The following ASB6 variants were observed in gnomAD, a reference collection of about 807,000 sequenced individuals.
ASB6 encodes ankyrin repeat and SOCS box protein 6.
ASB6 carries 24 observed loss-of-function variants against 28.6 expected under a neutral mutation model. The ratio of observed to expected loss-of-function variants is 0.84; its 90% CI spans 0.61 to 1.18. The LOEUF is 1.18. Among genes scored for constraint, ASB6 ranks in the 50% most tolerant of loss-of-function variants. The pLI, the probability that ASB6 is intolerant of heterozygous loss-of-function variation, is 0.00. For missense variants in ASB6, 519 were observed against 559.8 expected (o/e 0.93, Z 0.74); for synonymous variants, 267 against 243.4 (o/e 1.10, Z -0.90).
rs2119012365 is a variant in ASB6, at chr9:129,639,296, G to A, written c.417C>T (p.Ser139=). The change falls in exon 4 of 6, where the codon AGC becomes AGT. Residue 139 remains serine (S), a synonymous_variant. Coordinates refer to ENST00000277458, the MANE Select transcript of ASB6 (RefSeq NM_017873.4). The part of the protein sequence containing the change: ...VNRRDRIHES[S]PLDLASEEPE... ...GCTCCTCGCTGGCCAGGTCCAAGGG[G>A]CTACTCTCGTGGATCTGAGCCAAGG... is the stretch of plus-strand genomic sequence containing the variant. 2 of 1,612,256 alleles carry A rather than the reference G, an allele frequency of 1.2e-6. No individual in the cohort carries two copies. Among genetic ancestry groups the A allele is most frequent in the Admixed American group, 1.7e-5 (1 of 59,970 alleles).
rs1466585881 is a variant in ASB6 at position 129,634,833 on chromosome 9, C to T, written c.*2957G>A. On this transcript the variant is annotated 3_prime_UTR_variant, in exon 6 of 6. Coordinates refer to ENST00000277458, the MANE Select transcript of ASB6 (RefSeq NM_017873.4). The stretch of plus-strand genomic sequence containing the variant: ...GTGGTCTCAGAAGCCTTTGTGGGGA[C>T]TTCTAGTGTAGGGAAGGCAGTCTCT... 3.7e-6 allele frequency: 1 copy of T among 268,248 alleles called. No homozygotes were observed. Among genetic ancestry groups the T allele is most frequent in the African/African-American group, 2.2e-5 (1 of 44,558 alleles). 16.6% of individuals were successfully genotyped at this position (268,248 alleles called of 1,614,324 possible).
Position 129,635,002 on chromosome 9 carries a change from T to G in ASB6, c.*2788A>C. ...AGTCAAATTCTGGCTTAATGTGTCTTTAGGTAGATGACCTCTGAGCCACAG... is the reference window on the plus strand; with the variant it reads ...AGTCAAATTCTGGCTTAATGTGTCTGTAGGTAGATGACCTCTGAGCCACAG... On this transcript the variant is annotated 3_prime_UTR_variant, in exon 6 of 6. Coordinates refer to ENST00000277458, the MANE Select transcript of ASB6 (RefSeq NM_017873.4). 2 of 610,158 alleles carry G rather than the reference T, an allele frequency of 3.3e-6. No homozygotes were observed. The highest frequency in any genetic ancestry group is 5.7e-6 in the Non-Finnish European group (2 of 352,308). The allele number at this position is 610,158 out of a possible 1,614,324, so 37.8% of individuals were successfully genotyped here. A position where few individuals can be genotyped will look rare whatever the true frequency, so the allele number is the denominator to read the frequency against.
At position 129,640,599 on chromosome 9, in the gene ASB6, C is replaced by A. The variant is rs781413667; in HGVS notation, c.237G>T (p.Leu79=). 2 of 1,613,588 alleles carry A rather than the reference C, an allele frequency of 1.2e-6. No homozygotes were observed. Among genetic ancestry groups the A allele is most frequent in the Non-Finnish European group, 1.7e-6 (2 of 1,179,920 alleles). Residue 79 remains leucine (L), a synonymous_variant, in exon 2 of 6, where the codon CTG becomes CTT. Coordinates refer to ENST00000277458, the MANE Select transcript of ASB6 (RefSeq NM_017873.4). ...VSNALLKMAE[L]GLTRAADVLL... is the part of the protein sequence containing the mutation. Reference sequence around the variant, plus strand: ...GAACGTCGGCCGCCCGCGTCAGCCCCAGCTCAGCCATCTTGAGCAGGGCGT... The same window carrying A: ...GAACGTCGGCCGCCCGCGTCAGCCCAAGCTCAGCCATCTTGAGCAGGGCGT...
chr9:129,636,384 C>CT lies in ASB6; in HGVS notation c.*1405dup, dbSNP rs1312361536. On this transcript the variant is annotated 3_prime_UTR_variant, in exon 6 of 6. Coordinates refer to ENST00000277458, the MANE Select transcript of ASB6 (RefSeq NM_017873.4). The stretch of plus-strand genomic sequence containing the variant: ...CCAGCCTAGGTGACAGAGCGAGACT[C>CT]TGTCTCAAAATAAAACTAAAATAAA... 1 of 145,970 alleles carries CT rather than the reference C, an allele frequency of 6.9e-6. No individual in the cohort carries two copies. Among genetic ancestry groups the CT allele is most frequent in the Non-Finnish European group, 1.5e-5 (1 of 66,696 alleles). 9.0% of individuals were successfully genotyped at this position (145,970 alleles called of 1,614,324 possible). A position where few individuals can be genotyped will look rare whatever the true frequency, so the allele number is the denominator to read the frequency against.
chr9:129,640,462 C>T (rs1831667659), intron 2 of ASB6, 79 bp downstream of exon 2: 1 of 1,516,042 alleles, frequency 6.6e-7, no homozygotes. Flanking sequence ...ATGGTAGAAG[C>T]CAAGGCTGGG....
rs866067124 is a variant in ASB6, at chr9:129,638,384, G to C, written c.672C>G (p.Thr224=). Residue 224 remains threonine, a synonymous_variant, in exon 6 of 6, where the codon ACC becomes ACG. Transcript: ENST00000277458. Reference sequence around the variant, plus strand: ...GGGCCTCCTCTTTGTCCCCTCCCACGGTCTCACCAAGCAGGAAGATGATGC... The same window carrying C: ...GGGCCTCCTCTTTGTCCCCTCCCACCGTCTCACCAAGCAGGAAGATGATGC... ...FTCIIFLLGE[T]VGGDKEEAQM... is the part of the protein sequence containing the mutation. 2.5e-6 allele frequency: 4 copies of C among 1,613,624 alleles called. No homozygotes were observed. Among genetic ancestry groups the C allele is most frequent in the African/African-American group, 2.7e-5 (2 of 74,990 alleles).
chr9:129,635,722 C>T lies in ASB6; in HGVS notation c.*2068G>A. The stretch of plus-strand genomic sequence containing the variant: ...AGATGGGATTGGGTGGAAGGGGCTC[C>T]AGGGCTCCTGGTGCTCCCCATGTGG... On this transcript the variant is annotated 3_prime_UTR_variant, in exon 6 of 6. Transcript: ENST00000277458. 1 of 450,172 alleles carries T rather than the reference C, an allele frequency of 2.2e-6. No homozygotes were observed. Among genetic ancestry groups the T allele is most frequent in the South Asian group, 3.1e-5 (1 of 32,130 alleles). 27.9% of individuals were successfully genotyped at this position (450,172 alleles called of 1,614,324 possible).
At position 129,638,146 on chromosome 9, in the gene ASB6, A is replaced by T; in HGVS notation, c.910T>A (p.Phe304Ile). 1.2e-6 allele frequency: 2 copies of T among 1,614,084 alleles called. No homozygotes were observed. Among genetic ancestry groups the T allele is most frequent in the Non-Finnish European group, 8.5e-7 (1 of 1,180,014 alleles). Residue 304 changes from phenylalanine to isoleucine, a missense_variant, in exon 6 of 6, where the codon TTT becomes ATT. Physicochemically the swap from Phe to Ile is conservative, Grantham distance 21 (BLOSUM62 0). Transcript: ENST00000277458. Reference protein sequence around the residue: ...ASCWSGFHIIFERLCSHPGCT... With the variant: ...ASCWSGFHIIIERLCSHPGCT... ...CCTGGGTGGGAACAGAGCCTCTCAA[A>T]GATGATGTGAAAGCCAGACCAGCAG... is the stretch of plus-strand genomic sequence containing the variant.
chr9:129,635,346 G>A lies in ASB6; in HGVS notation c.*2444C>T, dbSNP rs367834442. On this transcript the variant is annotated 3_prime_UTR_variant, in exon 6 of 6. Transcript: ENST00000277458. Reference sequence around the variant, plus strand: ...GACGACGTGGACAGCAGCGTGTGCCGGGACCTTGACGTGGTCCGCAGGATC... The same window carrying A: ...GACGACGTGGACAGCAGCGTGTGCCAGGACCTTGACGTGGTCCGCAGGATC... 6.2e-7 allele frequency: 1 copy of A among 1,613,846 alleles called. No homozygotes were observed. The highest frequency in any genetic ancestry group is 8.5e-7 in the Non-Finnish European group (1 of 1,180,044).
Position 129,642,119 on chromosome 9 carries a change from G to C in ASB6, c.-120C>G. The C allele has an allele frequency of 1.5e-6, 2 of 1,343,370 alleles. No homozygotes were observed. The highest frequency in any genetic ancestry group is 1.9e-6 in the Non-Finnish European group (2 of 1,048,292). The allele number at this position is 1,343,370 out of a possible 1,614,324, so 83.2% of individuals were successfully genotyped here. On this transcript the variant is annotated 5_prime_UTR_variant, in exon 1 of 6. Coordinates refer to ENST00000277458, the MANE Select transcript of ASB6 (RefSeq NM_017873.4). This position sits in a 1 kb window ranked among gnomAD's most constrained non-coding sequence, Gnocchi z 4.3. ...CCTGCTCCGCCAGTCCAGCCCCTGC[G>C]CCCGGCCGGGTCCGCTCCTCAGTCC...
intron 1 of ASB6, chr9:129,641,061 G>A (rs1392935344): frequency 7.4e-6 from 2 of 271,030 alleles, no homozygotes; most frequent in Non-Finnish European, 1.4e-5. Context: ...GCCCAAGCCC[G>A]ACTTTGATGC....
At position 129,639,235 on chromosome 9, in the gene ASB6, G is replaced by A. The variant is rs746938871; in HGVS notation, c.478C>T (p.Leu160Phe). 1 of 1,611,422 alleles carries A rather than the reference G, an allele frequency of 6.2e-7. No individual in the cohort carries two copies. Among genetic ancestry groups the A allele is most frequent in the Admixed American group, 1.7e-5 (1 of 59,910 alleles). Residue 160 changes from leucine to phenylalanine, a missense_variant, in exon 4 of 6, where the codon CTT becomes TTT. Leu to Phe is a conservative substitution (Grantham distance 22). Coordinates refer to ENST00000277458, the MANE Select transcript of ASB6 (RefSeq NM_017873.4). Reference sequence around the variant, plus strand: ...TCAGCGGCATTGACATCAGCTCCAAGGTCCAGGAGGCGCTGCAGGCAGGGC... The same window carrying A: ...TCAGCGGCATTGACATCAGCTCCAAAGTCCAGGAGGCGCTGCAGGCAGGGC... ...RLPCLQRLLD[L>F]GADVNAADKH...
At chr9:129,639,031 G>A (rs1336579730) in intron 4 of ASB6, among the ~76,000 whole-genome samples, 171 bp downstream of exon 4, 2 of 152,234 alleles carry the variant, frequency 1.3e-5, no homozygotes, top group Non-Finnish European at 2.9e-5. Flanking sequence ...CCTCTCTGAA[G>A]CCTCTGAGCT....
At chr9:129,640,474 A>G in intron 2 of ASB6, 67 bp downstream of exon 2, 2 of 1,538,352 alleles carry the variant, frequency 1.3e-6, no homozygotes, top group East Asian at 4.6e-5. Flanking sequence ...AAGGCTGGGG[A>G]CATGGGCGCC....
Position 129,638,017 on chromosome 9 carries a change from C to CG in ASB6, c.1038dup (p.Asp347ArgfsTer65). On this transcript the variant is annotated frameshift_variant, in exon 6 of 6. Coordinates refer to ENST00000277458, the MANE Select transcript of ASB6 (RefSeq NM_017873.4). LOFTEE classifies it high-confidence loss of function. The stretch of plus-strand genomic sequence containing the variant: ...GCCAGGCTGCCCACAGGGTGGATAT[C>CG]GAAGTTTTCGGGCAGCTGGAGTTTC... 3.1e-6 allele frequency: 5 copies of CG among 1,613,914 alleles called. No individual in the cohort carries two copies. The highest frequency in any genetic ancestry group is 4.2e-6 in the Non-Finnish European group (5 of 1,179,888).
At position 129,642,062 on chromosome 9, in the gene ASB6, C is replaced by G; in HGVS notation, c.-63G>C. 6.7e-7 allele frequency: 1 copy of G among 1,492,986 alleles called. No homozygotes were observed. Among genetic ancestry groups the G allele is most frequent in the Non-Finnish European group, 8.9e-7 (1 of 1,119,098 alleles). 92.5% of individuals were successfully genotyped at this position (1,492,986 alleles called of 1,614,324 possible). On this transcript the variant is annotated 5_prime_UTR_variant, in exon 1 of 6. Transcript: ENST00000277458. The surrounding 1 kb of genome is among the most constrained non-coding windows in gnomAD (Gnocchi z 4.3). ...TGCCGAGGCCGAGATGCCCAGACGC[C>G]GACCGGAACGCTCCGGCGGCCGCGG...
rs753905673 is a variant in ASB6 at position 129,641,957 on chromosome 9, G to A, written c.43C>T (p.Gln15Ter). Residue 15 changes from glutamine (Q) to a stop codon, truncating the protein, a stop_gained, in exon 1 of 6, where the codon CAG (glutamine) becomes TAG (stop). Transcript: ENST00000277458. LOFTEE classifies it high-confidence loss of function. ...HGFRRIIFEYQPLVDAILGSL... is the reference protein window; with the variant it reads ...HGFRRIIFEY ...CCCAGAATCGCATCCACCAGCGGCT[G>A]GTACTCGAAGATGATCCTCCGGAAG... 3.1e-6 allele frequency: 5 copies of A among 1,603,158 alleles called. No homozygotes were observed. Among genetic ancestry groups the A allele is most frequent in the South Asian group, 1.1e-5 (1 of 89,414 alleles).
intron 1 of ASB6, 170 bp from the exon 2 acceptor site, chr9:129,640,892 A>C: frequency 9.3e-6 from 7 of 754,836 alleles, no homozygotes; most frequent in Middle Eastern, 7.5e-4. Flanking sequence ...GCCACGCTGC[A>C]TCTCTTAATA....
Position 129,635,250 on chromosome 9 carries a change from G to C in ASB6, c.*2540C>G. On this transcript the variant is annotated 3_prime_UTR_variant, in exon 6 of 6. Coordinates refer to ENST00000277458, the MANE Select transcript of ASB6 (RefSeq NM_017873.4). ...CACCTGGCCGAGTTCCTGCGGCGCTGCAAGGGCAGCCTCCGCCCCAACGGC... is the reference window on the plus strand; with the variant it reads ...CACCTGGCCGAGTTCCTGCGGCGCTCCAAGGGCAGCCTCCGCCCCAACGGC... 6.2e-7 allele frequency: 1 copy of C among 1,612,850 alleles called. No individual in the cohort carries two copies. The highest frequency in any genetic ancestry group is 8.5e-7 in the Non-Finnish European group (1 of 1,180,012).
Sources: allele counts gnomAD v4.1 joint callset (sites outside exome capture counted in the v4.1 genomes callset), GRCh38; gene constraint gnomAD v4.1.1; non-coding constraint Gnocchi (gnomAD v3.1); transcripts MANE v1.5; gene names NCBI Gene and HGNC (gene_info 2026-07-23, HGNC 2026-07-21).